RNF111: variants seen among roughly 807,000 people sequenced by gnomAD.
RNF111 encodes the protein E3 ubiquitin-protein ligase Arkadia.
In RNF111, 17 loss-of-function variants were observed where a neutral mutation model predicts 95.1. The observed-to-expected ratio is 0.18, with a 90% confidence interval of 0.12 to 0.27. RNF111 has a LOEUF of 0.27. Ranked by LOEUF, RNF111 falls within the 10% of genes least tolerant of loss-of-function variation. RNF111 has a pLI of 1.00. For synonymous variants in RNF111, 440 were observed against 414.8 expected (o/e 1.06, Z -0.74); for missense variants, 1,189 against 1,210.4 (o/e 0.98, Z 0.26).
At chr15:59,008,392 A>T (rs1206837566) in intron 1 of RNF111, among the ~76,000 whole-genome samples, 5 of 151,676 alleles carry the variant, frequency 3.3e-5, no homozygotes, top group African/African-American at 9.7e-5. Context: ...TAGTTTTAAA[A>T]TTTTTTTGTA....
chr15:59,027,149 C>A (rs1296581566), intron 1 of RNF111, among the ~76,000 whole-genome samples: 2 of 152,168 alleles, frequency 1.3e-5, no homozygotes, highest in African/African-American at 4.8e-5. Context: ...TTCTCATGAT[C>A]TCCATTATCA....
chr15:59,081,129 C>T lies in RNF111; in HGVS notation c.2142C>T (p.Ala714=), dbSNP rs1314602069. ...PVAPPPPTHL[A]STAAPIPQHL... is the part of the protein sequence containing the mutation. The stretch of plus-strand genomic sequence containing the variant: ...CACCCCCACCACCAACTCACTTAGC[C>T]AGTACAGCTGCACCAATCCCTCAGC... The change falls in exon 8 of 14, where the codon GCC becomes GCT. Residue 714 remains alanine (A), a synonymous_variant. Transcript: ENST00000348370. 7 of 1,613,996 alleles carry T rather than the reference C, an allele frequency of 4.3e-6. No homozygotes were observed. Among genetic ancestry groups the T allele is most frequent in the Non-Finnish European group, 5.9e-6 (7 of 1,180,028 alleles).
In RNF111 at chr15:58,991,490, T is replaced by G. The variant is rs1402485307; in HGVS notation, c.-20+3422T>G. Among the ~76,000 whole-genome samples, 10 of 152,322 alleles carry G rather than the reference T, an allele frequency of 6.6e-5. 1 individual carries two copies. Among genetic ancestry groups the G allele is most frequent in the African/African-American group, 2.4e-4 (10 of 41,556 alleles). On this transcript the variant is annotated intron_variant, in intron 1 of 13. Coordinates refer to ENST00000348370, the MANE Select transcript of RNF111 (RefSeq NM_017610.8). ...TGGGAACATAATAAACAGAATGGTT[T>G]CAGGTAGTGGTAAGTGCCATGAGGA...
At chr15:59,039,370 A>G (rs1055620190) in intron 2 of RNF111, among the ~76,000 whole-genome samples, 14 of 152,230 alleles carry the variant, frequency 9.2e-5, no homozygotes, top group Admixed American at 9.2e-4. Flanking sequence ...AATTCTGTTC[A>G]TACAGGAAAG....
At position 59,030,698 on chromosome 15, in the gene RNF111, T is replaced by G. The variant is rs2040860436; in HGVS notation, c.-19-106T>G. 3 of 732,642 alleles carry G rather than the reference T, an allele frequency of 4.1e-6. No homozygotes were observed. In the Admixed American group the frequency reaches 9.8e-5, roughly 24 times the overall value. 45.4% of individuals were successfully genotyped at this position (732,642 alleles called of 1,614,324 possible). ...TTGTGTACTGATGAGGAAAAGACAGTTCTGCCTTTATAAGGGATCTTCTTG... is the reference window on the plus strand; with the variant it reads ...TTGTGTACTGATGAGGAAAAGACAGGTCTGCCTTTATAAGGGATCTTCTTG... On this transcript the variant is annotated intron_variant, in intron 1 of 13. Transcript: ENST00000348370.
intron 1 of RNF111, among the ~76,000 whole-genome samples, chr15:59,009,263 ATTTTAC>A (rs1182030596): frequency 6.6e-6 from 1 of 151,816 alleles, no homozygotes; most frequent in Non-Finnish European, 1.5e-5. Context: ...CTGGCCACGT[ATTTTAC>A]TTTTACATGT....
At chr15:59,048,484 G>A (rs539369460) in intron 2 of RNF111, among the ~76,000 whole-genome samples, 5 of 152,254 alleles carry the variant, frequency 3.3e-5, no homozygotes, top group Middle Eastern at 3.4e-3. Context: ...TAGGACTTGC[G>A]AGCTCTTTTG....
chr15:59,052,255 G>A (rs923883804), intron 2 of RNF111, 50 bp from the exon 3 acceptor site: 6 of 1,459,440 alleles, frequency 4.1e-6, no homozygotes, highest in Admixed American at 2.5e-5. Context: ...TCTGCCTAAC[G>A]ATTAGCTGAC....
rs1205184268 is a variant in RNF111, at chr15:59,096,110, A to C, written c.*1210A>C. 5.0e-6 allele frequency: 2 copies of C among 398,574 alleles called. No homozygotes were observed. Among genetic ancestry groups the C allele is most frequent in the Non-Finnish European group, 4.4e-6 (1 of 225,806 alleles). The allele number at this position is 398,574 out of a possible 1,614,324, so 24.7% of individuals were successfully genotyped here. ...AGTCGATCACTGATTTAAAATTTTT[A>C]ATTTCTATAGTTAAGATTTACTGCA... is the stretch of plus-strand genomic sequence containing the variant. On this transcript the variant is annotated 3_prime_UTR_variant, in exon 14 of 14. Transcript: ENST00000348370.
chr15:59,012,346 G>A (rs955415428), intron 1 of RNF111, among the ~76,000 whole-genome samples: 5 of 151,974 alleles, frequency 3.3e-5, no homozygotes, highest in African/African-American at 1.2e-4. Context: ...TTCCACTTAG[G>A]TAATTACAGT....
chr15:59,004,347 GTATA>G (rs2039447761), intron 1 of RNF111, among the ~76,000 whole-genome samples: 1 of 152,176 alleles, frequency 6.6e-6, no homozygotes, highest in African/African-American at 2.4e-5. Flanking sequence ...TTGCAAAAAA[GTATA>G]TAGGTAAATG....
intron 5 of RNF111, among the ~76,000 whole-genome samples, chr15:59,061,948 C>G (rs964079657): frequency 6.6e-6 from 1 of 152,166 alleles, no homozygotes; most frequent in Admixed American, 6.5e-5. Flanking sequence ...CTCATCCCCC[C>G]TTTCACTAGC....
chr15:58,998,502 A>G (rs572424834), intron 1 of RNF111, among the ~76,000 whole-genome samples: 2 of 152,184 alleles, frequency 1.3e-5, no homozygotes, highest in Non-Finnish European at 2.9e-5. Flanking sequence ...ATACCAAAGT[A>G]TGATGCTTAT....
chr15:59,028,802 T>TA (rs1452659712), intron 1 of RNF111, among the ~76,000 whole-genome samples: 7 of 149,556 alleles, frequency 4.7e-5, no homozygotes, highest in African/African-American at 1.7e-4. Flanking sequence ...TTTCTTGAGA[T>TA]AGAGTCTTGC....
chr15:59,010,319 A>G (rs1302286246), intron 1 of RNF111, among the ~76,000 whole-genome samples: 3 of 152,122 alleles, frequency 2.0e-5, no homozygotes, highest in African/African-American at 7.3e-5. Flanking sequence ...AAACATTGAG[A>G]AGAGCAAATT....
chr15:59,018,788 TTAAA>T (rs1352878266), intron 1 of RNF111, among the ~76,000 whole-genome samples: 1 of 152,246 alleles, frequency 6.6e-6, no homozygotes, highest in Non-Finnish European at 1.5e-5. Context: ...CTGCCTGATT[TTAAA>T]AGGCTGCTTA....
chr15:59,042,666 A>T (rs1001591015), intron 2 of RNF111, among the ~76,000 whole-genome samples: 25 of 151,722 alleles, frequency 1.6e-4, no homozygotes, highest in African/African-American at 4.8e-4. Flanking sequence ...GTTGTCCCCA[A>T]ACCAGTCATT....
At chr15:59,056,709 CTG>C (rs1168173475) in intron 4 of RNF111, among the ~76,000 whole-genome samples, 1 of 152,158 alleles carries the variant, frequency 6.6e-6, no homozygotes, top group Non-Finnish European at 1.5e-5. Flanking sequence ...GAGATAACAA[CTG>C]TTTGCATTTC....
rs1352424863 is a variant in RNF111, at chr15:59,031,620, T to G, written c.798T>G (p.Ser266=). 5 of 1,614,218 alleles carry G rather than the reference T, an allele frequency of 3.1e-6. No homozygotes were observed. Among genetic ancestry groups the G allele is most frequent in the Non-Finnish European group, 4.2e-6 (5 of 1,180,016 alleles). ...SSENDLSSES[S]SSSSTEGEED... Reference sequence around the variant, plus strand: ...AGAATGACCTCAGCAGTGAATCCTCTTCTAGCTCATCAACTGAAGGAGAAG... The same window carrying G: ...AGAATGACCTCAGCAGTGAATCCTCGTCTAGCTCATCAACTGAAGGAGAAG... The change falls in exon 2 of 14, where the codon TCT becomes TCG. Residue 266 remains serine, a synonymous_variant. Coordinates refer to ENST00000348370, the MANE Select transcript of RNF111 (RefSeq NM_017610.8).
Sources: allele counts gnomAD v4.1 joint callset (sites outside exome capture counted in the v4.1 genomes callset), GRCh38; gene constraint gnomAD v4.1.1; transcripts MANE v1.5; gene names NCBI Gene and HGNC (gene_info 2026-07-23, HGNC 2026-07-21).